The following SUPT3H variants were observed in gnomAD, a reference collection of about 807,000 sequenced individuals.
SUPT3H encodes the protein SPT3 homolog, SAGA and STAGA complex component, also known as transcription initiation protein SPT3 homolog.
A neutral mutation model predicts 44.3 loss-of-function variants in SUPT3H; 44 were observed. The observed-to-expected ratio is 0.99, with a 90% confidence interval of 0.78 to 1.28. The LOEUF (loss-of-function observed/expected upper bound fraction) is 1.28. Among genes scored for constraint, SUPT3H ranks in the 50% most tolerant of loss-of-function variants. The pLI is 0.00. For missense variants in SUPT3H, 380 were observed against 387.1 expected (o/e 0.98, Z 0.15); for synonymous variants, 124 against 125.6 (o/e 0.99, Z 0.09).
downstream of SUPT3H, among the ~76,000 whole-genome samples, chr6:44,821,933 A>G (rs192214544): frequency 2.8e-3 from 434 of 152,324 alleles, 4 homozygotes; most frequent in Admixed American, 0.016. Flanking sequence ...CCTGCATTCT[A>G]TAACTTGGCT....
At chr6:45,023,574 C>T (rs886507332) in intron 3 of SUPT3H, among the ~76,000 whole-genome samples, 1 of 151,992 alleles carries the variant, frequency 6.6e-6, no homozygotes, top group East Asian at 1.9e-4. Flanking sequence ...ATATATACAC[C>T]ATGGAATATT....
intron 10 of SUPT3H, among the ~76,000 whole-genome samples, chr6:44,888,544 G>A (rs1762726447): frequency 6.6e-6 from 1 of 152,082 alleles, no homozygotes; most frequent in African/African-American, 2.4e-5. Flanking sequence ...ATGCAGAAAA[G>A]GCCTTTGACA....
intron 10 of SUPT3H, among the ~76,000 whole-genome samples, chr6:44,923,638 T>C (rs577255002): frequency 2.0e-5 from 3 of 151,964 alleles, no homozygotes; most frequent in Non-Finnish European, 4.4e-5. Context: ...GTAAAATGTG[T>C]TTGAACAGTC....
Position 45,191,605 on chromosome 6 carries a change from G to T in SUPT3H, c.102-85599C>A, listed in dbSNP as rs78893792. Among the ~76,000 whole-genome samples the T allele has an allele frequency of 2.5e-3, 374 of 152,158 alleles. 3 individuals are homozygous for T. Among genetic ancestry groups the T allele is most frequent in the African/African-American group, 8.7e-3 (360 of 41,538 alleles). ...CAATATTGGCTCAACAAATATAATT[G>T]AAACTGTAGGGAGGGTGGCAGGTAG... On this transcript the variant is annotated intron_variant, in intron 2 of 10. Coordinates refer to ENST00000371459, the MANE Select transcript of SUPT3H (RefSeq NM_003599.4).
intron 10 of SUPT3H, among the ~76,000 whole-genome samples, chr6:44,846,707 C>T (rs1771935034): frequency 6.6e-6 from 1 of 152,032 alleles, no homozygotes; most frequent in Non-Finnish European, 1.5e-5. Flanking sequence ...TACTGGCTCA[C>T]TGCAACCTCC....
At chr6:45,333,956 T>C (rs893064015) in intron 2 of SUPT3H, among the ~76,000 whole-genome samples, 1 of 151,282 alleles carries the variant, frequency 6.6e-6, no homozygotes, top group Non-Finnish European at 1.5e-5. Flanking sequence ...CTCTGACATA[T>C]ATACATACGC....
At chr6:45,327,296 T>C (rs1786521999) in intron 2 of SUPT3H, among the ~76,000 whole-genome samples, 1 of 151,950 alleles carries the variant, frequency 6.6e-6, no homozygotes, top group Non-Finnish European at 1.5e-5. Flanking sequence ...ATAGCTTCTG[T>C]TAACCCACTC....
chr6:44,951,276 G>GTCACTCAT (rs1349077198), intron 9 of SUPT3H, among the ~76,000 whole-genome samples: 1 of 147,256 alleles, frequency 6.8e-6, no homozygotes, highest in African/African-American at 2.5e-5. Flanking sequence ...TTCTGTCTGA[G>GTCACTCAT]TCACTCATTT....
intron 2 of SUPT3H, among the ~76,000 whole-genome samples, chr6:45,208,872 TG>T (rs1763631393): frequency 4.0e-5 from 1 of 24,936 alleles, no homozygotes; most frequent in African/African-American, 3.2e-4. Context: ...TAGGGGCTCA[TG>T]AGGCTGATGA....
intron 6 of SUPT3H, among the ~76,000 whole-genome samples, chr6:44,962,080 C>T (rs781218898): frequency 3.9e-5 from 6 of 152,078 alleles, no homozygotes; most frequent in African/African-American, 4.8e-5. Flanking sequence ...AAGGACCTCA[C>T]GTCTAAATTT....
intron 2 of SUPT3H, among the ~76,000 whole-genome samples, chr6:45,166,723 T>A (rs1464862114): frequency 6.6e-6 from 1 of 151,842 alleles, no homozygotes; most frequent in Non-Finnish European, 1.5e-5. Context: ...AGGATTTGAA[T>A]AAACACTTCA....
chr6:45,014,855 G>T lies in SUPT3H; in HGVS notation c.310C>A (p.Arg104=). Reference sequence around the variant, plus strand: ...TTGACAATCTTTGATTTGTAGTCTCGGATAAACATGTATTTTAGCAGTCTT... The same window carrying T: ...TTGACAATCTTTGATTTGTAGTCTCTGATAAACATGTATTTTAGCAGTCTT... ...LRRLLKYMFI[R]DYKSKIVKGI... The change falls in exon 5 of 11, where the codon CGA becomes AGA. Residue 104 remains arginine (R), a synonymous_variant. Coordinates refer to ENST00000371459, the MANE Select transcript of SUPT3H (RefSeq NM_003599.4). 1 of 1,587,636 alleles carries T rather than the reference G, an allele frequency of 6.3e-7. No homozygotes were observed. Among genetic ancestry groups the T allele is most frequent in the Admixed American group, 1.8e-5 (1 of 56,108 alleles).
chr6:45,175,591 C>T (rs886774135), intron 2 of SUPT3H, among the ~76,000 whole-genome samples: 2 of 152,048 alleles, frequency 1.3e-5, no homozygotes, highest in Non-Finnish European at 2.9e-5. Context: ...GGTCTTTCAC[C>T]GATCTTCTTA....
intron 2 of SUPT3H, among the ~76,000 whole-genome samples, chr6:45,130,936 C>T (rs370181282): frequency 2.0e-5 from 3 of 151,646 alleles, no homozygotes; most frequent in African/African-American, 7.3e-5. Flanking sequence ...AGGCTGGTCT[C>T]GAACTCCCGA....
intron 3 of SUPT3H, among the ~76,000 whole-genome samples, chr6:45,033,647 C>T (rs1168259734): frequency 6.6e-6 from 1 of 152,158 alleles, no homozygotes; most frequent in African/African-American, 2.4e-5. Flanking sequence ...AGATAGGTAT[C>T]ATAACTTATA....
chr6:45,177,113 A>T (rs1004186988), intron 2 of SUPT3H, among the ~76,000 whole-genome samples: 4 of 152,220 alleles, frequency 2.6e-5, no homozygotes, highest in African/African-American at 9.6e-5. Flanking sequence ...AGACGATCAA[A>T]TTACTCTGAG....
rs150987661 is a variant in SUPT3H, at chr6:45,155,592, C to A, written c.102-49586G>T. Reference sequence around the variant, plus strand: ...TATCATCCTTGCTTTAAACTATAAGCTAAATTCCTCCCATAGTTAGCTTGG... The same window carrying A: ...TATCATCCTTGCTTTAAACTATAAGATAAATTCCTCCCATAGTTAGCTTGG... On this transcript the variant is annotated intron_variant, in intron 2 of 10. Transcript: ENST00000371459. Among the ~76,000 whole-genome samples, 1,378 of 152,222 alleles carry A rather than the reference C, an allele frequency of 9.1e-3. 14 individuals are homozygous for A. Among genetic ancestry groups the A allele is most frequent in the South Asian group, 0.028 (137 of 4,830 alleles).
chr6:45,092,683 G>C (rs945121061), intron 3 of SUPT3H, among the ~76,000 whole-genome samples: 8 of 151,158 alleles, frequency 5.3e-5, no homozygotes, highest in Non-Finnish European at 1.0e-4. Flanking sequence ...CTGTGAGTTG[G>C]AGGTTCCAGT....
chr6:45,327,347 T>A (rs1402691055), intron 2 of SUPT3H, among the ~76,000 whole-genome samples: 2 of 151,988 alleles, frequency 1.3e-5, no homozygotes, highest in African/African-American at 2.4e-5. Flanking sequence ...CAATCTACAT[T>A]ATAACATAAG....
Sources: allele counts gnomAD v4.1 joint callset (sites outside exome capture counted in the v4.1 genomes callset), GRCh38; gene constraint gnomAD v4.1.1; transcripts MANE v1.5; gene names NCBI Gene and HGNC (gene_info 2026-07-23, HGNC 2026-07-21).